Variants in PTPRG observed in about 807,000 individuals in gnomAD.
PTPRG encodes the protein protein tyrosine phosphatase receptor type G.
A neutral mutation model predicts 165.3 loss-of-function variants in PTPRG; 102 were observed. The observed-to-expected ratio is 0.62, with a 90% CI of 0.53 to 0.73. The LOEUF (loss-of-function observed/expected upper bound fraction) is 0.73, where lower values mean the gene tolerates loss of function less well. PTPRG is among the 30% of genes least tolerant of loss of function. The pLI is 0.00. For synonymous variants in PTPRG, 675 were observed against 669.5 expected, an observed-to-expected ratio of 1.01 and a Z score of -0.13; for missense variants, 1,866 against 1,861.4, an observed-to-expected ratio of 1.00 and a Z score of -0.05.
In PTPRG at chr3:61,773,715, G is replaced by C. The variant is rs536843557; in HGVS notation, c.190+24733G>C. On this transcript the variant is annotated intron_variant, in intron 2 of 29. Transcript: ENST00000474889. Reference sequence around the variant, plus strand: ...ATCTCAAAAAAGAGCCTAGGATGCTGTGTATGCTTAGGGAAAAAAAATTGT... The same window carrying C: ...ATCTCAAAAAAGAGCCTAGGATGCTCTGTATGCTTAGGGAAAAAAAATTGT... Among the ~76,000 whole-genome samples, 7 of 151,884 alleles carry C rather than the reference G, an allele frequency of 4.6e-5. No individual in the cohort carries two copies. The East Asian group carries it at 1.4e-3, about 29-fold the overall frequency.
intron 8 of PTPRG, among the ~76,000 whole-genome samples, chr3:62,176,522 C>A (rs1429094158): frequency 6.6e-6 from 1 of 152,168 alleles, no homozygotes. Context: ...CAGTTTAGTA[C>A]TCCTTCCCTG....
intron 8 of PTPRG, 102 bp downstream of exon 8, chr3:62,168,265 T>G: frequency 9.0e-7 from 1 of 1,105,060 alleles, no homozygotes; most frequent in South Asian, 1.6e-5. Context: ...GACTTGGTGT[T>G]AAATGCATAT....
At chr3:61,646,373 A>C (rs1407986509) in intron 1 of PTPRG, among the ~76,000 whole-genome samples, 1 of 152,196 alleles carries the variant, frequency 6.6e-6, no homozygotes, top group Non-Finnish European at 1.5e-5. Flanking sequence ...TGGCCTCCCA[A>C]AGTCCTGGGA....
chr3:61,917,283 G>C (rs564180702), intron 2 of PTPRG, among the ~76,000 whole-genome samples: 2 of 152,194 alleles, frequency 1.3e-5, no homozygotes, highest in African/African-American at 4.8e-5. Context: ...TGAATAATTC[G>C]CAGCATTTAG....
intron 1 of PTPRG, among the ~76,000 whole-genome samples, chr3:61,693,240 C>G (rs1233644053): frequency 2.0e-5 from 3 of 152,002 alleles, no homozygotes; most frequent in Admixed American, 2.0e-4. Flanking sequence ...AATACCCGTC[C>G]AAAACTTGTT....
chr3:61,744,830 G>T (rs1263197993), intron 1 of PTPRG, among the ~76,000 whole-genome samples: 1 of 28,722 alleles, frequency 3.5e-5, no homozygotes, highest in Admixed American at 3.3e-4. Context: ...TGGTTACTCA[G>T]GGCCATTTTC....
intron 1 of PTPRG, among the ~76,000 whole-genome samples, chr3:61,563,409 T>C (rs1314845450): frequency 6.6e-6 from 1 of 151,798 alleles, no homozygotes; most frequent in Non-Finnish European, 1.5e-5. Context: ...CCCTCCTCTC[T>C]CCCCTGGGGA....
rs758505732 is a variant in PTPRG, at chr3:62,203,587, G to A, written c.1792G>A (p.Asp598Asn). ...GGATGGGGAGCGGGAGCACGAGGAG[G>A]ATGGAGAGAAGGACTCCGAAAAGAA... ...SEDGEREHEE[D>N]GEKDSEKKEK... The change falls in exon 12 of 30, where the codon GAT (aspartate) becomes AAT (asparagine). Residue 598 changes from aspartate (D) to asparagine (N), a missense_variant. Physicochemically the swap from Asp to Asn is conservative, Grantham distance 23 (BLOSUM62 1). Coordinates refer to ENST00000474889, the MANE Select transcript of PTPRG (RefSeq NM_002841.4). The surrounding 1 kb of genome is among the most constrained non-coding windows in gnomAD (Gnocchi z 6.4). The A allele has an allele frequency of 1.3e-5, 20 of 1,552,534 alleles. No homozygotes were observed. The highest frequency in any genetic ancestry group is 1.2e-4 in the South Asian group (10 of 84,166).
chr3:61,805,547 A>ATC (rs1559621772), intron 2 of PTPRG, among the ~76,000 whole-genome samples: 1 of 151,890 alleles, frequency 6.6e-6, no homozygotes, highest in South Asian at 2.1e-4. Context: ...AAAAAAAAAA[A>ATC]AAAATCAAAG....
Position 62,293,357 on chromosome 3 carries a change from C to CT in PTPRG, c.*56dup. On this transcript the variant is annotated 3_prime_UTR_variant, in exon 30 of 30. Coordinates refer to ENST00000474889, the MANE Select transcript of PTPRG (RefSeq NM_002841.4). ...TTTGTAAACTTCTGAAGACTGAGAA[C>CT]TTTTTTGAGGCCTTTTTTGCCAGAC... is the stretch of plus-strand genomic sequence containing the variant. 1 of 1,453,922 alleles carries CT rather than the reference C, an allele frequency of 6.9e-7. No homozygotes were observed. Among genetic ancestry groups the CT allele is most frequent in the Non-Finnish European group, 9.1e-7 (1 of 1,099,200 alleles). 90.1% of individuals were successfully genotyped at this position (1,453,922 alleles called of 1,614,324 possible). A position where few individuals can be genotyped will look rare whatever the true frequency, so the allele number is the denominator to read the frequency against.
Position 62,195,286 on chromosome 3 carries a change from C to T in PTPRG, c.1327+116C>T, listed in dbSNP as rs1699932040. On this transcript the variant is annotated intron_variant, in intron 10 of 29. Transcript: ENST00000474889. This position sits in a 1 kb window ranked among gnomAD's most constrained non-coding sequence, Gnocchi z 4.4. ...ATACAAACAAGCCTGGCAGAAGAATCAGTGTAGGGTTTTAAAGCCTATGCG... is the reference window on the plus strand; with the variant it reads ...ATACAAACAAGCCTGGCAGAAGAATTAGTGTAGGGTTTTAAAGCCTATGCG... 1.0e-6 allele frequency: 1 copy of T among 956,798 alleles called. No individual in the cohort carries two copies. The highest frequency in any genetic ancestry group is 1.6e-6 in the Non-Finnish European group (1 of 612,960). The allele number at this position is 956,798 out of a possible 1,614,324, so 59.3% of individuals were successfully genotyped here.
chr3:61,620,819 G>C (rs1384137001), intron 1 of PTPRG, among the ~76,000 whole-genome samples: 1 of 150,198 alleles, frequency 6.7e-6, no homozygotes, highest in East Asian at 1.9e-4. Flanking sequence ...ACTAGAGACA[G>C]GGTTTCACTA....
chr3:62,146,817 C>G (rs1258234104), intron 6 of PTPRG, among the ~76,000 whole-genome samples: 1 of 152,108 alleles, frequency 6.6e-6, no homozygotes, highest in East Asian at 1.9e-4. Context: ...AGCTGTGTAC[C>G]AACAGAACTT....
intron 1 of PTPRG, among the ~76,000 whole-genome samples, chr3:61,671,947 C>G (rs1194412353): frequency 2.9e-5 from 4 of 139,178 alleles, no homozygotes; most frequent in African/African-American, 1.1e-4. Context: ...GGCGGAGATG[C>G]TCCTCACTTC....
At chr3:61,689,769 G>A (rs778846995) in intron 1 of PTPRG, among the ~76,000 whole-genome samples, 35 of 152,172 alleles carry the variant, frequency 2.3e-4, no homozygotes, top group Non-Finnish European at 4.1e-4. Context: ...AAACTAGTAT[G>A]CAAATGATGA....
At chr3:62,061,599 T>TA (rs139795757) in intron 4 of PTPRG, among the ~76,000 whole-genome samples, 18,957 of 151,412 alleles carry the variant, frequency 0.13, 1,330 homozygotes, top group Admixed American at 0.21. Context: ...ATCCAAAGCC[T>TA]AAAAAACATT....
intron 6 of PTPRG, among the ~76,000 whole-genome samples, chr3:62,146,980 A>T (rs1704145855): frequency 6.6e-6 from 1 of 152,188 alleles, no homozygotes. Flanking sequence ...GGTGCTGGGG[A>T]TAAGGTCAGG....
intron 6 of PTPRG, among the ~76,000 whole-genome samples, chr3:62,139,204 C>T (rs749476442): frequency 1.3e-5 from 2 of 152,224 alleles, no homozygotes; most frequent in South Asian, 4.2e-4. Flanking sequence ...GTGGCTCACA[C>T]TTGTAATCCC....
At chr3:61,565,901 C>G (rs528449490) in intron 1 of PTPRG, among the ~76,000 whole-genome samples, 1 of 152,126 alleles carries the variant, frequency 6.6e-6, no homozygotes, top group African/African-American at 2.4e-5. Flanking sequence ...ATTTGGAAAT[C>G]AGCAATCTTT....
Sources: allele counts gnomAD v4.1 joint callset (sites outside exome capture counted in the v4.1 genomes callset), GRCh38; gene constraint gnomAD v4.1.1; non-coding constraint Gnocchi (gnomAD v3.1); transcripts MANE v1.5; gene names NCBI Gene and HGNC (gene_info 2026-07-23, HGNC 2026-07-21).